Variants in DMD observed in about 807,000 individuals in gnomAD.
The protein encoded by DMD is dystrophin.
In DMD, 63 loss-of-function variants were observed where a neutral mutation model predicts 330.1. That is an observed-to-expected ratio of 0.19 (90% CI 0.16 to 0.24). DMD has a LOEUF of 0.24. Among genes scored for constraint, DMD ranks in the 10% least tolerant of loss-of-function variants. DMD has a pLI of 1.00. For missense variants in DMD, 3,344 were observed against 2,684.1 expected (o/e 1.25, Z -5.43); for synonymous variants, 1,223 against 959.8 (o/e 1.27, Z -5.07).
intron 43 of DMD, among the ~76,000 whole-genome samples, chrX:32,277,762 C>T (rs5971614): frequency 0.41 from 44,474 of 109,021 alleles, 6,765 homozygotes; most frequent in Middle Eastern, 0.46. Flanking sequence ...AAAATGTCTT[C>T]AAAAAATGAA....
At chrX:31,942,280 A>G (rs2095016972) in intron 45 of DMD, among the ~76,000 whole-genome samples, 1 of 111,605 alleles carries the variant, frequency 9.0e-6, no homozygotes, top group Non-Finnish European at 1.9e-5. Context: ...CGTGCCTCCT[A>G]CCTTGTCTCC....
chrX:32,353,113 G>C (rs987479383), intron 37 of DMD, among the ~76,000 whole-genome samples: 5 of 110,607 alleles, frequency 4.5e-5, no homozygotes, highest in Non-Finnish European at 9.5e-5. Context: ...AATTGTTTTA[G>C]CTATGTTATT....
intron 27 of DMD, among the ~76,000 whole-genome samples, chrX:32,445,436 A>G (rs760535986): frequency 9.6e-4 from 107 of 111,168 alleles, no homozygotes; most frequent in Non-Finnish European, 1.5e-3. Flanking sequence ...GGGATGGAGG[A>G]GGAGACTGTG....
intron 1 of DMD, among the ~76,000 whole-genome samples, chrX:33,085,100 G>A (rs1380042076): frequency 1.8e-5 from 2 of 111,164 alleles, no homozygotes; most frequent in Non-Finnish European, 3.8e-5. Context: ...AACTAAGATA[G>A]GCTTTCAGAA....
Position 32,565,891 on chromosome X carries a change from C to G in DMD, c.1813-10G>C. ...GATCCGCTTTTAAAACCTGTTAAAA[C>G]AAGAAAGATCACAGAATAAGCCTGG... On this transcript the variant is annotated splice_polypyrimidine_tract_variant and intron_variant, in intron 15 of 78. Coordinates refer to ENST00000357033, the MANE Select transcript of DMD (RefSeq NM_004006.3). 1 of 1,200,789 alleles carries G rather than the reference C, an allele frequency of 8.3e-7. No homozygotes were observed. Among genetic ancestry groups the G allele is most frequent in the Non-Finnish European group, 1.1e-6 (1 of 887,010 alleles).
intron 7 of DMD, among the ~76,000 whole-genome samples, chrX:32,806,536 G>A (rs762597135): frequency 2.0e-3 from 222 of 110,939 alleles, no homozygotes; most frequent in Middle Eastern, 4.7e-3. Flanking sequence ...TTAGATCAAC[G>A]AGACAGAAAA....
chrX:31,684,727 A>C (rs2082582743), intron 52 of DMD, among the ~76,000 whole-genome samples: 1 of 112,323 alleles, frequency 8.9e-6, no homozygotes, highest in South Asian at 3.7e-4. Flanking sequence ...AATTAAACGG[A>C]ACAAATACTG....
At chrX:33,163,829 C>A (rs1361577372) in intron 1 of DMD, among the ~76,000 whole-genome samples, 1 of 109,919 alleles carries the variant, frequency 9.1e-6, no homozygotes, top group East Asian at 2.9e-4. Flanking sequence ...GTTTTCTAAG[C>A]CAATATCTTA....
intron 11 of DMD, among the ~76,000 whole-genome samples, chrX:32,616,097 G>T (rs766298053): frequency 5.5e-5 from 6 of 110,000 alleles, no homozygotes; most frequent in Non-Finnish European, 9.5e-5. Context: ...ATTAAACTGG[G>T]GTTTTTGAAA....
At chrX:31,606,196 T>C (rs2077602355) in intron 55 of DMD, among the ~76,000 whole-genome samples, 1 of 111,696 alleles carries the variant, frequency 9.0e-6, no homozygotes. Flanking sequence ...TCTGCCATGA[T>C]TGTAAGTTTC....
intron 1 of DMD, among the ~76,000 whole-genome samples, chrX:33,032,372 A>T (rs2094130649): frequency 8.9e-6 from 1 of 112,038 alleles, no homozygotes. Context: ...TAAGTCATTG[A>T]GATTTGGATT....
intron 77 of DMD, among the ~76,000 whole-genome samples, chrX:31,128,344 G>T (rs759507875): frequency 9.0e-6 from 1 of 111,322 alleles, no homozygotes; most frequent in Non-Finnish European, 1.9e-5. Context: ...TGGCTGAAGT[G>T]AATTGGTAAA....
intron 60 of DMD, among the ~76,000 whole-genome samples, chrX:31,366,523 A>T (rs767000719): frequency 2.9e-5 from 3 of 103,727 alleles, no homozygotes; most frequent in East Asian, 2.9e-4. Context: ...AATAAATAAA[A>T]AAGATAAAAG....
At chrX:32,501,728 A>G in intron 19 of DMD, 27 bp downstream of exon 19, 1 of 1,112,346 alleles carries the variant, frequency 9.0e-7, no homozygotes, top group Non-Finnish European at 1.2e-6. Context: ...CCCTAAGAAG[A>G]TTATCTAAAT....
intron 47 of DMD, among the ~76,000 whole-genome samples, chrX:31,901,057 A>T (rs1234598362): frequency 6.3e-5 from 7 of 111,785 alleles, no homozygotes; most frequent in Non-Finnish European, 1.3e-4. Flanking sequence ...GGCAGAGCCA[A>T]GGCCTTCCTT....
Position 32,287,689 on chromosome X carries a change from T to C in DMD, c.6130A>G (p.Ser2044Gly). 2 of 1,193,070 alleles carry C rather than the reference T, an allele frequency of 1.7e-6. No individual in the cohort carries two copies. The highest frequency in any genetic ancestry group is 1.7e-5 in the African/African-American group (1 of 57,257). The change falls in exon 43 of 79, where the codon AGT becomes GGT. Residue 2044 changes from serine (S) to glycine (G), a missense_variant. By Grantham distance (56) the Ser-to-Gly change is moderately conservative. Transcript: ENST00000357033. Reference protein sequence around the residue: ...QEESLKNIKDSLQQSSGRIDI... With the variant: ...QEESLKNIKDGLQQSSGRIDI... Reference sequence around the variant, plus strand: ...ATCCGACCTGAGCTTTGTTGTAGACTATCTTTTATATTCTGTAATATAAAA... The same window carrying C: ...ATCCGACCTGAGCTTTGTTGTAGACCATCTTTTATATTCTGTAATATAAAA...
At chrX:32,515,601 T>A (rs949962445) in intron 18 of DMD, among the ~76,000 whole-genome samples, 1 of 111,602 alleles carries the variant, frequency 9.0e-6, no homozygotes, top group African/African-American at 3.3e-5. Flanking sequence ...ACGGAAAAAA[T>A]TCGAGTTGTT....
intron 2 of DMD, among the ~76,000 whole-genome samples, chrX:32,997,657 A>G (rs185049571): frequency 8.9e-6 from 1 of 112,468 alleles, no homozygotes; most frequent in Admixed American, 9.4e-5. Flanking sequence ...AGAAGCAGAT[A>G]TAAGTTCTCT....
At chrX:31,528,597 G>C (rs981507380) in intron 55 of DMD, among the ~76,000 whole-genome samples, 1 of 112,286 alleles carries the variant, frequency 8.9e-6, no homozygotes, top group African/African-American at 3.2e-5. Flanking sequence ...CACTCGAGGC[G>C]CTCAATAAAT....
Sources: allele counts gnomAD v4.1 joint callset (sites outside exome capture counted in the v4.1 genomes callset), GRCh38; gene constraint gnomAD v4.1.1; transcripts MANE v1.5; gene names NCBI Gene and HGNC (gene_info 2026-07-23, HGNC 2026-07-21).